The following GARRE1 variants were observed in gnomAD, a reference collection of about 807,000 sequenced individuals.
GARRE1 encodes the protein granule associated Rac and RHOG effector protein 1.
GARRE1 carries 49 observed loss-of-function variants against 103.2 expected under a neutral mutation model. The ratio of observed to expected loss-of-function variants is 0.47; its 90% CI spans 0.38 to 0.60. GARRE1 has a LOEUF of 0.60. Among genes scored for constraint, GARRE1 ranks in the 20% least tolerant of loss-of-function variants. GARRE1 has a pLI of 0.00. For missense variants in GARRE1, 1,199 were observed against 1,370.5 expected (o/e 0.87, Z 1.98); for synonymous variants, 505 against 532.8 (o/e 0.95, Z 0.72).
At chr19:34,294,483 C>G (rs2073936332) in intron 1 of GARRE1, among the ~76,000 whole-genome samples, 1 of 151,500 alleles carries the variant, frequency 6.6e-6, no homozygotes, top group Non-Finnish European at 1.5e-5. Context: ...TATTAATATT[C>G]TGTTTTGGGA....
chr19:34,327,721 T>C (rs765145092), intron 4 of GARRE1, 50 bp from the exon 5 acceptor site: 2 of 1,544,964 alleles, frequency 1.3e-6, no homozygotes, highest in African/African-American at 1.4e-5. Context: ...AACTTTGTCA[T>C]CTTATAATTT....
chr19:34,303,462 T>C (rs2073990855), intron 2 of GARRE1, among the ~76,000 whole-genome samples: 1 of 152,206 alleles, frequency 6.6e-6, no homozygotes, highest in African/African-American at 2.4e-5. Context: ...TGTTTAAAAG[T>C]GATTTTGAAG....
intron 1 of GARRE1, among the ~76,000 whole-genome samples, chr19:34,293,096 A>T (rs1276856604): frequency 2.0e-5 from 3 of 152,188 alleles, no homozygotes; most frequent in Non-Finnish European, 1.5e-5. Flanking sequence ...TACTGAAGTA[A>T]TCAGTTTTGA....
chr19:34,289,722 CAA>C (rs35728238), intron 1 of GARRE1, among the ~76,000 whole-genome samples: 2 of 141,998 alleles, frequency 1.4e-5, no homozygotes, highest in Admixed American at 1.4e-4. Context: ...GACTCTGTCT[CAA>C]AAAAAAAAAT....
At chr19:34,263,604 A>AGTAGCTGGGATTACAGGTGCCCG (rs2073733433) in intron 1 of GARRE1, among the ~76,000 whole-genome samples, 2 of 150,828 alleles carry the variant, frequency 1.3e-5, no homozygotes, top group South Asian at 4.2e-4. Context: ...CAGCCTCCTG[A>AGTAGCTGGGATTACAGGTGCCCG]GTAGCTGGGA....
intron 1 of GARRE1, among the ~76,000 whole-genome samples, chr19:34,269,152 A>G (rs1205721755): frequency 6.6e-6 from 1 of 152,230 alleles, no homozygotes; most frequent in Non-Finnish European, 1.5e-5. Flanking sequence ...AGAACCGCTA[A>G]TGATAAGTTG....
chr19:34,327,904 C>T (rs772470083), intron 5 of GARRE1, 38 bp downstream of exon 5: 22 of 1,611,958 alleles, frequency 1.4e-5, no homozygotes, highest in Middle Eastern at 1.6e-4. Flanking sequence ...GGACCTATGG[C>T]GCTGCTCCTG....
At chr19:34,270,389 G>A (rs754053663) in intron 1 of GARRE1, among the ~76,000 whole-genome samples, 3 of 152,240 alleles carry the variant, frequency 2.0e-5, no homozygotes, top group Non-Finnish European at 4.4e-5. Context: ...TTTTGTGAAG[G>A]AAGTGAGGGC....
At chr19:34,301,453 G>A (rs921291528) in intron 2 of GARRE1, among the ~76,000 whole-genome samples, 1 of 146,852 alleles carries the variant, frequency 6.8e-6, no homozygotes, top group African/African-American at 2.5e-5. Flanking sequence ...GTTTGAGGCT[G>A]CAGTGAGCCG....
Position 34,320,222 on chromosome 19 carries a change from A to G in GARRE1, c.705+106A>G, listed in dbSNP as rs1194749519. ...ACAGCCATTTCATTTAGAAATGTAC[A>G]TTTTAAACTGTTATCATTGGCTTGT... On this transcript the variant is annotated intron_variant, in intron 3 of 13. Transcript: ENST00000299505. 1.8e-5 allele frequency: 17 copies of G among 925,374 alleles called. No homozygotes were observed. In the Admixed American group the frequency reaches 3.2e-4, roughly 17 times the overall value. The allele number at this position is 925,374 out of a possible 1,614,324, so 57.3% of individuals were successfully genotyped here. A position where few individuals can be genotyped will look rare whatever the true frequency, so the allele number is the denominator to read the frequency against.
rs2073729733 is a variant in GARRE1, at chr19:34,263,194, CAG to C, written c.-796+8583_-796+8584del. ...TGCCACTGCACTCCAGCCTGGGTGA[CAG>C]AGCAAGATTCCATCTCAAAAAATAA... On this transcript the variant is annotated intron_variant, in intron 1 of 13. Coordinates refer to ENST00000299505, the MANE Select transcript of GARRE1 (RefSeq NM_014686.5). Among the ~76,000 whole-genome samples, 4 of 151,844 alleles carry C rather than the reference CAG, an allele frequency of 2.6e-5. No individual in the cohort carries two copies. In the South Asian group the frequency reaches 8.3e-4, roughly 32 times the overall value.
chr19:34,303,550 T>C (rs1438147140), intron 2 of GARRE1, among the ~76,000 whole-genome samples: 1 of 152,238 alleles, frequency 6.6e-6, no homozygotes, highest in Non-Finnish European at 1.5e-5. Flanking sequence ...ATCAAGCTTT[T>C]TCTATGAAGG....
At chr19:34,273,241 A>C (rs2073798525) in intron 1 of GARRE1, among the ~76,000 whole-genome samples, 1 of 152,204 alleles carries the variant, frequency 6.6e-6, no homozygotes, top group South Asian at 2.1e-4. Context: ...TGTGAAGTGC[A>C]TAGCACAGTG....
chr19:34,283,652 AC>A (rs1381171291), intron 1 of GARRE1, among the ~76,000 whole-genome samples: 1 of 152,036 alleles, frequency 6.6e-6, no homozygotes, highest in Non-Finnish European at 1.5e-5. Context: ...CCAAGATCTC[AC>A]CCTATTAGTC....
At chr19:34,315,483 G>C (rs886221753) in intron 2 of GARRE1, among the ~76,000 whole-genome samples, 1 of 152,108 alleles carries the variant, frequency 6.6e-6, no homozygotes, top group African/African-American at 2.4e-5. Flanking sequence ...AGGCCAAGGC[G>C]GGTGGATCAT....
Position 34,277,188 on chromosome 19 carries a change from C to T in GARRE1, c.-795-22491C>T, listed in dbSNP as rs924189076. On this transcript the variant is annotated intron_variant, in intron 1 of 13. Transcript: ENST00000299505. ...AATGATGAGTGAGACTCAGGAGGCA[C>T]GACATGAGGCTGGAGAGGTGGGCAG... Among the ~76,000 whole-genome samples the T allele has an allele frequency of 2.6e-5, 4 of 152,042 alleles. No homozygotes were observed. The East Asian group carries it at 7.7e-4, about 29-fold the overall frequency.
chr19:34,301,068 C>T, intron 2 of GARRE1, 100 bp downstream of exon 2: 1 of 1,233,254 alleles, frequency 8.1e-7, no homozygotes, highest in African/African-American at 1.5e-5. Flanking sequence ...TAATAGTAGC[C>T]TTTGTCCTCT....
At chr19:34,347,350 A>G (rs1036436971) in intron 10 of GARRE1, among the ~76,000 whole-genome samples, 1 of 152,036 alleles carries the variant, frequency 6.6e-6, no homozygotes, top group Non-Finnish European at 1.5e-5. Context: ...TCAGCCTCCC[A>G]AAGTGCTGGG....
intron 1 of GARRE1, among the ~76,000 whole-genome samples, chr19:34,277,101 A>G (rs1429706927): frequency 6.6e-6 from 1 of 152,134 alleles, no homozygotes; most frequent in African/African-American, 2.4e-5. Context: ...GGATAGAGGC[A>G]GCAGCGTGTG....
Sources: gnomAD v4.1 joint callset for allele counts (sites outside exome capture counted in the v4.1 genomes callset) on GRCh38, gnomAD v4.1.1 for gene constraint, MANE v1.5 for transcripts, NCBI Gene and HGNC (gene_info 2026-07-23, HGNC 2026-07-21) for gene names.